CYFIP2: variants seen among roughly 807,000 people sequenced by gnomAD.
The protein encoded by CYFIP2 is cytoplasmic FMR1-interacting protein 2.
In CYFIP2, 29 loss-of-function variants were observed where a neutral mutation model predicts 158.7. The ratio of observed to expected loss-of-function variants is 0.18; its 90% CI spans 0.14 to 0.25. The LOEUF is 0.25. Ranked by LOEUF, CYFIP2 falls within the 10% of genes least tolerant of loss-of-function variation. The pLI is 1.00. For missense variants in CYFIP2, 852 were observed against 1,639.5 expected (o/e 0.52, Z 8.29); for synonymous variants, 585 against 617.6 (o/e 0.95, Z 0.78).
chr5:157,329,274 G>A (rs1761263085), intron 19 of CYFIP2, among the ~76,000 whole-genome samples: 1 of 152,230 alleles, frequency 6.6e-6, no homozygotes, highest in African/African-American at 2.4e-5. Flanking sequence ...AATGGGATGT[G>A]GTTCTAACAG....
At chr5:157,351,998 T>G (rs1006121178) in intron 23 of CYFIP2, among the ~76,000 whole-genome samples, 20 of 152,198 alleles carry the variant, frequency 1.3e-4, no homozygotes, top group Admixed American at 9.8e-4. Flanking sequence ...CACTTAGAGA[T>G]GATGCTCAAT....
In CYFIP2 at chr5:157,393,484, G is replaced by C. The variant is rs1326470586; in HGVS notation, c.*484G>C. On this transcript the variant is annotated 3_prime_UTR_variant, in exon 31 of 31. Transcript: ENST00000620254. Reference sequence around the variant, plus strand: ...TCAGCTTACTACTTCATCTCTCCTGGTTCCCTCCCTGCAGTGCCCCGGGTG... The same window carrying C: ...TCAGCTTACTACTTCATCTCTCCTGCTTCCCTCCCTGCAGTGCCCCGGGTG... 6.5e-6 allele frequency: 1 copy of C among 153,232 alleles called. No individual in the cohort carries two copies. Among genetic ancestry groups the C allele is most frequent in the East Asian group, 1.9e-4 (1 of 5,182 alleles). The allele number at this position is 153,232 out of a possible 1,614,324, so 9.5% of individuals were successfully genotyped here. A position where few individuals can be genotyped will look rare whatever the true frequency, so the allele number is the denominator to read the frequency against.
intron 25 of CYFIP2, 104 bp downstream of exon 25, chr5:157,360,476 G>A: frequency 1.1e-6 from 1 of 884,120 alleles, no homozygotes. Flanking sequence ...TGAGCTGGCA[G>A]AGTACTGGCT....
chr5:157,373,713 A>C (rs1427324354), intron 26 of CYFIP2, among the ~76,000 whole-genome samples: 2 of 152,180 alleles, frequency 1.3e-5, no homozygotes, highest in Non-Finnish European at 2.9e-5. Flanking sequence ...ATTACAGAAG[A>C]GTAGGTATAA....
intron 1 of CYFIP2, among the ~76,000 whole-genome samples, chr5:157,276,224 T>A (rs1479320845): frequency 6.6e-6 from 1 of 152,226 alleles, no homozygotes; most frequent in Admixed American, 6.5e-5. Context: ...TGTCTTGTTC[T>A]TGATCTTGGT....
chr5:157,298,855 C>T (rs1469988494), intron 5 of CYFIP2, among the ~76,000 whole-genome samples: 1 of 152,114 alleles, frequency 6.6e-6, no homozygotes, highest in Non-Finnish European at 1.5e-5. Context: ...CTTCAGTTAG[C>T]ATTATGTTTT....
chr5:157,286,941 C>A, intron 2 of CYFIP2, 78 bp from the exon 3 acceptor site: 1 of 1,038,716 alleles, frequency 9.6e-7, no homozygotes, highest in Non-Finnish European at 1.5e-6. Flanking sequence ...TTGTTGGCAG[C>A]AGTTTGCCCT....
At chr5:157,286,580 T>TATATATATATATATATATATATATATA (rs1561691042) in intron 2 of CYFIP2, among the ~76,000 whole-genome samples, 2 of 139,982 alleles carry the variant, frequency 1.4e-5, no homozygotes, top group African/African-American at 5.5e-5. Flanking sequence ...ATATATATAT[T>TATATATATATATATATATATATATATA]TAGCCTTTCA....
In CYFIP2 at chr5:157,311,639, T is replaced by C; in HGVS notation, c.993-25T>C. On this transcript the variant is annotated intron_variant, in intron 10 of 30. Transcript: ENST00000620254. The surrounding 1 kb of genome is among the most constrained non-coding windows in gnomAD (Gnocchi z 4.7). ...CCAGGCGCCTGAGGCTGGGACCCTC[T>C]CCGACCCCATAATTTTCTACCCAGG... The C allele has an allele frequency of 6.3e-7, 1 of 1,577,750 alleles. No homozygotes were observed. The highest frequency in any genetic ancestry group is 1.2e-5 in the South Asian group (1 of 85,894).
chr5:157,339,973 G>A (rs1216165168), intron 22 of CYFIP2, among the ~76,000 whole-genome samples: 1 of 152,182 alleles, frequency 6.6e-6, no homozygotes, highest in Non-Finnish European at 1.5e-5. Flanking sequence ...AAGAGTTTGA[G>A]GAAAGGAGAT....
In CYFIP2 at chr5:157,325,709, G is replaced by A. The variant is rs562809800; in HGVS notation, c.1982+71G>A. 543 of 1,463,030 alleles carry A rather than the reference G, an allele frequency of 3.7e-4. 5 individuals carry two copies. In the South Asian group the frequency reaches 6.9e-3, roughly 19 times the overall value. The allele number at this position is 1,463,030 out of a possible 1,614,324, so 90.6% of individuals were successfully genotyped here. ...AGAGGGCAGTTTGCCAGGGAGATCC[G>A]TTCTTTCCAGAAGGAAGCACTGAGT... On this transcript the variant is annotated intron_variant, in intron 17 of 30. Coordinates refer to ENST00000620254, the MANE Select transcript of CYFIP2 (RefSeq NM_001037333.3).
At position 157,379,572 on chromosome 5, in the gene CYFIP2, G is replaced by A. The variant is rs185781201; in HGVS notation, c.3040-3018G>A. On this transcript the variant is annotated intron_variant, in intron 26 of 30. Transcript: ENST00000620254. ...TGTAGTCCCAGCTATTCAGGAGGCTGAGATGGGAGGATCACCTAAACCCAG... is the reference window on the plus strand; with the variant it reads ...TGTAGTCCCAGCTATTCAGGAGGCTAAGATGGGAGGATCACCTAAACCCAG... Among the ~76,000 whole-genome samples, 14 of 146,604 alleles carry A rather than the reference G, an allele frequency of 9.5e-5. No homozygotes were observed. The East Asian group carries it at 1.7e-3, about 18-fold the overall frequency.
intron 7 of CYFIP2, chr5:157,303,256 G>T (rs1758928098): frequency 5.0e-6 from 1 of 198,476 alleles, no homozygotes; most frequent in African/African-American, 2.3e-5. Flanking sequence ...CGTAAAATGG[G>T]TCTGTTATTT....
intron 26 of CYFIP2, among the ~76,000 whole-genome samples, chr5:157,378,769 T>TA (rs1057022009): frequency 2.0e-5 from 3 of 152,142 alleles, no homozygotes; most frequent in African/African-American, 7.2e-5. Context: ...AGAAAGCAAA[T>TA]AGCTCATTCG....
At position 157,275,629 on chromosome 5, in the gene CYFIP2, G is replaced by A. The variant is rs139438942; in HGVS notation, c.-24+9434G>A. Among the ~76,000 whole-genome samples the A allele has an allele frequency of 1.1e-3, 161 of 152,038 alleles. 1 individual carries two copies. The Middle Eastern group carries it at 0.014, about 13-fold the overall frequency. On this transcript the variant is annotated intron_variant, in intron 1 of 30. Coordinates refer to ENST00000620254, the MANE Select transcript of CYFIP2 (RefSeq NM_001037333.3). ...CCCCCAAGATTGTCTTGATTATCCT[G>A]AGTGAGTCCCTTGAATTTCCATATG... is the stretch of plus-strand genomic sequence containing the variant.
intron 5 of CYFIP2, among the ~76,000 whole-genome samples, chr5:157,297,400 T>C (rs754089740): frequency 1.3e-5 from 2 of 152,252 alleles, no homozygotes; most frequent in African/African-American, 4.8e-5. Flanking sequence ...TTGTGAGTTA[T>C]TTAATGTCTC....
intron 28 of CYFIP2, among the ~76,000 whole-genome samples, chr5:157,385,426 A>C (rs1451261004): frequency 6.6e-6 from 1 of 152,244 alleles, no homozygotes; most frequent in African/African-American, 2.4e-5. Flanking sequence ...AGGTTTGGGC[A>C]CAGGGTACTC....
chr5:157,303,470 T>C (rs959943104), intron 7 of CYFIP2, among the ~76,000 whole-genome samples: 3 of 152,196 alleles, frequency 2.0e-5, no homozygotes, highest in Non-Finnish European at 4.4e-5. Context: ...CAAGCATAAC[T>C]GTCACTTCAG....
rs758400885 is a variant in CYFIP2 at position 157,361,604 on chromosome 5, T to TCCAGAGC, written c.3039+10_3039+16dup. On this transcript the variant is annotated splice_region_variant and intron_variant, in intron 26 of 30. Transcript: ENST00000620254. The surrounding 1 kb of genome is among the most constrained non-coding windows in gnomAD (Gnocchi z 4.4). ...TCCTCATAGAGCAAGCTCTGGTAAG[T>TCCAGAGC]CCAGAGCCCAAAGGAAGTGGGGTGT... 2.5e-6 allele frequency: 4 copies of TCCAGAGC among 1,613,742 alleles called. No individual in the cohort carries two copies. In the South Asian group the frequency reaches 3.3e-5, roughly 13 times the overall value.
Sources: gnomAD v4.1 joint callset for allele counts (sites outside exome capture counted in the v4.1 genomes callset) on GRCh38, gnomAD v4.1.1 for gene constraint, Gnocchi (gnomAD v3.1) non-coding constraint, MANE v1.5 for transcripts, NCBI Gene and HGNC (gene_info 2026-07-23, HGNC 2026-07-21) for gene names.